Variants in MYRF observed in about 807,000 individuals in gnomAD.
MYRF encodes myelin gene regulatory factor.
MYRF carries 16 observed loss-of-function variants against 126.3 expected under a neutral mutation model. The ratio of observed to expected loss-of-function variants is 0.13; its 90% CI spans 0.09 to 0.19. The LOEUF is 0.19. Ranked by LOEUF, MYRF falls within the 10% of genes least tolerant of loss-of-function variation. The pLI is 1.00. For synonymous variants in MYRF, 608 were observed against 635.3 expected, an observed-to-expected ratio of 0.96 and a Z score of 0.65; for missense variants, 1,104 against 1,547.0, an observed-to-expected ratio of 0.71 and a Z score of 4.80.
At chr11:61,775,768 T>G (rs2066360937) in intron 8 of MYRF, among the ~76,000 whole-genome samples, 1 of 138,000 alleles carries the variant, frequency 7.2e-6, no homozygotes, top group Non-Finnish European at 1.6e-5. Context: ...AGCGTGTGGG[T>G]GTGGAATGGG....
At position 61,776,139 on chromosome 11, in the gene MYRF, G is replaced by C; in HGVS notation, c.1388+7G>C. 6.2e-7 allele frequency: 1 copy of C among 1,614,024 alleles called. No homozygotes were observed. The highest frequency in any genetic ancestry group is 1.1e-5 in the South Asian group (1 of 91,088). The stretch of plus-strand genomic sequence containing the variant: ...GGCCCTTCAACCCGGTCACGTGAGT[G>C]TCTGACCCTGTTGGGGGTGGTACCT... On this transcript the variant is annotated splice_region_variant and intron_variant, in intron 9 of 26. Coordinates refer to ENST00000278836, the MANE Select transcript of MYRF (RefSeq NM_001127392.3). This position sits in a 1 kb window ranked among gnomAD's most constrained non-coding sequence, Gnocchi z 4.3.
At chr11:61,774,201 G>A in intron 8 of MYRF, 39 bp downstream of exon 8, 5 of 1,546,012 alleles carry the variant, frequency 3.2e-6, no homozygotes, top group Non-Finnish European at 4.4e-6. Flanking sequence ...GGGCAGGAGG[G>A]CCCTTTGGGG....
At position 61,783,342 on chromosome 11, in the gene MYRF, G is replaced by A. The variant is rs937840044; in HGVS notation, c.3017-156G>A. 1.5e-6 allele frequency: 1 copy of A among 658,210 alleles called. No homozygotes were observed. The highest frequency in any genetic ancestry group is 2.8e-6 in the Non-Finnish European group (1 of 362,726). 40.8% of individuals were successfully genotyped at this position (658,210 alleles called of 1,614,324 possible). ...GTAGTCCTAGGGCTGCTGAGGAAAG[G>A]GTGTAGTGTGATGCTGGCCATTGTG... On this transcript the variant is annotated intron_variant, in intron 22 of 26. Transcript: ENST00000278836. This position sits in a 1 kb window ranked among gnomAD's most constrained non-coding sequence, Gnocchi z 4.6.
At chr11:61,773,363 G>A (rs2066279075) in intron 7 of MYRF, among the ~76,000 whole-genome samples, 1 of 152,184 alleles carries the variant, frequency 6.6e-6, no homozygotes, top group Non-Finnish European at 1.5e-5. Context: ...GCAACAGATG[G>A]GCAAACTGAG....
At chr11:61,766,791 C>A in intron 3 of MYRF, 1 of 331,790 alleles carries the variant, frequency 3.0e-6, no homozygotes. Context: ...AGGCAGCCAC[C>A]CGGCCAGCCA....
At chr11:61,769,184 C>A in intron 3 of MYRF, 76 bp from the exon 4 acceptor site, 2 of 852,486 alleles carry the variant, frequency 2.3e-6, no homozygotes, top group Non-Finnish European at 3.8e-6. Context: ...GGGACCCTAC[C>A]ACGCAGAGAA....
chr11:61,783,786 G>A lies in MYRF; in HGVS notation c.3120-65G>A. On this transcript the variant is annotated intron_variant, in intron 23 of 26. Coordinates refer to ENST00000278836, the MANE Select transcript of MYRF (RefSeq NM_001127392.3). This position sits in a 1 kb window ranked among gnomAD's most constrained non-coding sequence, Gnocchi z 4.6. The stretch of plus-strand genomic sequence containing the variant: ...TCCAGTACAGATTGGGGGCTGAGGA[G>A]TCCCTGGTGGGGGTGGGGGGTGGCA... The A allele has an allele frequency of 6.6e-7, 1 of 1,505,648 alleles. No homozygotes were observed. Among genetic ancestry groups the A allele is most frequent in the African/African-American group, 1.4e-5 (1 of 72,616 alleles). 93.3% of individuals were successfully genotyped at this position (1,505,648 alleles called of 1,614,324 possible). A position where few individuals can be genotyped will look rare whatever the true frequency, so the allele number is the denominator to read the frequency against.
Position 61,779,705 on chromosome 11 carries a change from C to T in MYRF, c.2247+135C>T, listed in dbSNP as rs550852999. ...TGTGACTCTGTAGCCCTCCCAGCCC[C>T]GTTTCTCTTTCTTCTCCCTTTGCCC... On this transcript the variant is annotated intron_variant, in intron 16 of 26. Transcript: ENST00000278836. 163 of 1,208,814 alleles carry T rather than the reference C, an allele frequency of 1.3e-4. 2 individuals carry two copies. The Middle Eastern group carries it at 1.8e-3, about 13-fold the overall frequency. The allele number at this position is 1,208,814 out of a possible 1,614,324, so 74.9% of individuals were successfully genotyped here. A position where few individuals can be genotyped will look rare whatever the true frequency, so the allele number is the denominator to read the frequency against.
chr11:61,766,026 G>A lies in MYRF; in HGVS notation c.203G>A (p.Gly68Asp). Residue 68 changes from glycine to aspartate, a missense_variant, in exon 3 of 27, where the codon GGC (glycine) becomes GAC (aspartate). This residue lies in a region of MYRF where 368 missense variants were observed against 403.9 expected (regional missense o/e 0.91). Coordinates refer to ENST00000278836, the MANE Select transcript of MYRF (RefSeq NM_001127392.3). The part of the protein sequence containing the change: ...SYSHGQPAMP[G>D]SSGVHHLSPP... ...TCCCACGGGCAGCCTGCGATGCCTGGCTCCAGCGGGGTCCACCACCTGAGC... is the reference window on the plus strand; with the variant it reads ...TCCCACGGGCAGCCTGCGATGCCTGACTCCAGCGGGGTCCACCACCTGAGC... 1 of 1,589,882 alleles carries A rather than the reference G, an allele frequency of 6.3e-7. No homozygotes were observed.
Position 61,766,113 on chromosome 11 carries a change from C to A in MYRF, c.290C>A (p.Thr97Asn), listed in dbSNP as rs867346932. The change falls in exon 3 of 27, where the codon ACC (threonine) becomes AAC (asparagine). Residue 97 changes from threonine to asparagine, a missense_variant. Coordinates refer to ENST00000278836, the MANE Select transcript of MYRF (RefSeq NM_001127392.3). Reference protein sequence around the residue: ...HGPLPPPGYGTPLNCNNNNGM... With the variant: ...HGPLPPPGYGNPLNCNNNNGM... ...CCCCTCCCACCCCCGGGCTACGGCACCCCGCTGAACTGCAACAACAACAAC... is the reference window on the plus strand; with the variant it reads ...CCCCTCCCACCCCCGGGCTACGGCAACCCGCTGAACTGCAACAACAACAAC... 1.2e-6 allele frequency: 2 copies of A among 1,608,860 alleles called. No homozygotes were observed. The highest frequency in any genetic ancestry group is 1.7e-6 in the Non-Finnish European group (2 of 1,179,360).
chr11:61,785,674 A>T (rs919501471), intron 25 of MYRF, 126 bp from the exon 26 acceptor site: 6 of 738,146 alleles, frequency 8.1e-6, no homozygotes, highest in East Asian at 2.7e-5. Context: ...CTATCTCTTC[A>T]AAGTTCTCTG....
At position 61,771,812 on chromosome 11, in the gene MYRF, G is replaced by T; in HGVS notation, c.992-17G>T. 6.2e-7 allele frequency: 1 copy of T among 1,614,040 alleles called. No homozygotes were observed. Among genetic ancestry groups the T allele is most frequent in the Non-Finnish European group, 8.5e-7 (1 of 1,179,984 alleles). On this transcript the variant is annotated splice_polypyrimidine_tract_variant and intron_variant, in intron 6 of 26. Transcript: ENST00000278836. Reference sequence around the variant, plus strand: ...GACCCAAGGTGCAGGGCCCACATGGGCGTTCCCTCCCTCCAGGCCTCCTGC... The same window carrying T: ...GACCCAAGGTGCAGGGCCCACATGGTCGTTCCCTCCCTCCAGGCCTCCTGC...
At position 61,781,245 on chromosome 11, in the gene MYRF, C is replaced by G; in HGVS notation, c.2680C>G (p.Pro894Ala). Residue 894 changes from proline (P) to alanine (A), a missense_variant, in exon 21 of 27, where the codon CCT becomes GCT. Coordinates refer to ENST00000278836, the MANE Select transcript of MYRF (RefSeq NM_001127392.3). ...VICCSSPTTN[P>A]TTGPSLGPSF... ...CTGCTGTTCCTCACCCACTACCAAC[C>G]CTACCACTGGTCCTAGTCTTGGCCC... 3 of 1,614,212 alleles carry G rather than the reference C, an allele frequency of 1.9e-6. No individual in the cohort carries two copies. The highest frequency in any genetic ancestry group is 2.5e-6 in the Non-Finnish European group (3 of 1,180,046).
At chr11:61,782,672 G>A (rs773992379) in intron 22 of MYRF, 2 of 152,296 alleles carry the variant, frequency 1.3e-5, no homozygotes, top group Non-Finnish European at 2.9e-5. Context: ...CGAAGGTGGG[G>A]AGGATCAGGG....
At chr11:61,759,297 C>T (rs2065842983) in intron 1 of MYRF, among the ~76,000 whole-genome samples, 1 of 152,196 alleles carries the variant, frequency 6.6e-6, no homozygotes, top group South Asian at 2.1e-4. Flanking sequence ...GACCTGAGGA[C>T]AGGGCGGCAG....
At chr11:61,771,089 C>T (rs1024665000) in intron 5 of MYRF, among the ~76,000 whole-genome samples, 1 of 152,208 alleles carries the variant, frequency 6.6e-6, no homozygotes, top group Non-Finnish European at 1.5e-5. Context: ...TTTTGTGGCC[C>T]AGGCCCTCTG....
chr11:61,752,753 G>C lies in MYRF; in HGVS notation c.9G>C (p.Val3=). 3 of 1,480,706 alleles carry C rather than the reference G, an allele frequency of 2.0e-6. No homozygotes were observed. Among genetic ancestry groups the C allele is most frequent in the South Asian group, 2.6e-5 (2 of 77,096 alleles). The allele number at this position is 1,480,706 out of a possible 1,614,324, so 91.7% of individuals were successfully genotyped here. A position where few individuals can be genotyped will look rare whatever the true frequency, so the allele number is the denominator to read the frequency against. Residue 3 remains valine, a synonymous_variant, in exon 1 of 27, where the codon GTG becomes GTC. Coordinates refer to ENST00000278836, the MANE Select transcript of MYRF (RefSeq NM_001127392.3). ...CGCCGGGCAGGCGGGACATGGAGGT[G>C]GTGGACGAGACGGAGGCGCTGCAGC... The part of the protein sequence containing the change: ME[V]VDETEALQRF...
chr11:61,776,725 A>G lies in MYRF; in HGVS notation c.1500-62A>G. 4.6e-6 allele frequency: 6 copies of G among 1,313,462 alleles called. No individual in the cohort carries two copies. Among genetic ancestry groups the G allele is most frequent in the Non-Finnish European group, 6.3e-6 (6 of 946,860 alleles). The allele number at this position is 1,313,462 out of a possible 1,614,324, so 81.4% of individuals were successfully genotyped here. A position where few individuals can be genotyped will look rare whatever the true frequency, so the allele number is the denominator to read the frequency against. ...GAGATGAACATGCATCTGGCCAGGG[A>G]AAGGGTGGCCCTGGGGGCGGGGGCA... On this transcript the variant is annotated intron_variant, in intron 10 of 26. Transcript: ENST00000278836. This position sits in a 1 kb window ranked among gnomAD's most constrained non-coding sequence, Gnocchi z 4.3.
At position 61,766,856 on chromosome 11, in the gene MYRF, G is replaced by A. The variant is rs144981985; in HGVS notation, c.398+635G>A. ...TCACAGCGGGAGGCTGGGAGCATGG[G>A]TCTGCAGGGGAGCTCAGGGCAAATG... On this transcript the variant is annotated intron_variant, in intron 3 of 26. Coordinates refer to ENST00000278836, the MANE Select transcript of MYRF (RefSeq NM_001127392.3). The A allele has an allele frequency of 1.8e-3, 669 of 369,574 alleles. 5 individuals carry two copies. The highest frequency in any genetic ancestry group is 0.013 in the African/African-American group (621 of 47,468). The allele number at this position is 369,574 out of a possible 1,614,324, so 22.9% of individuals were successfully genotyped here.
Sources: allele counts gnomAD v4.1 joint callset (sites outside exome capture counted in the v4.1 genomes callset), GRCh38; gene constraint gnomAD v4.1.1; regional missense constraint gnomAD v4.1.1; non-coding constraint Gnocchi (gnomAD v3.1); transcripts MANE v1.5; gene names NCBI Gene and HGNC (gene_info 2026-07-23, HGNC 2026-07-21).